The following TOR1AIP2 variants were observed in gnomAD, a reference collection of about 807,000 sequenced individuals.
TOR1AIP2 encodes the protein torsin 1A interacting protein 2.
A neutral mutation model predicts 32.6 loss-of-function variants in TOR1AIP2; 20 were observed. The ratio of observed to expected loss-of-function variants is 0.61; its 90% CI spans 0.43 to 0.89. TOR1AIP2 has a LOEUF of 0.89. TOR1AIP2 is among the 40% of genes least tolerant of loss of function. TOR1AIP2 has a pLI of 0.00. For missense variants in TOR1AIP2, 456 were observed against 553.8 expected (o/e 0.82, Z 1.77); for synonymous variants, 214 against 210.8 (o/e 1.02, Z -0.13).
Position 179,860,469 on chromosome 1 carries a change from G to A in TOR1AIP2, c.-147+4967C>T, listed in dbSNP as rs533420268. 5.1e-6 allele frequency: 5 copies of A among 985,068 alleles called. No individual in the cohort carries two copies. The African/African-American group carries it at 5.2e-5, about 10-fold the overall frequency. 61.0% of individuals were successfully genotyped at this position (985,068 alleles called of 1,614,324 possible). On this transcript the variant is annotated intron_variant, in intron 3 of 6. Coordinates refer to ENST00000609928, the MANE Select transcript of TOR1AIP2 (RefSeq NM_001199260.2). Reference sequence around the variant, plus strand: ...TGCACTCCAGCCTAGGTGACAGAACGAGACTCTGTCTCAAAAAAACAAAAC... The same window carrying A: ...TGCACTCCAGCCTAGGTGACAGAACAAGACTCTGTCTCAAAAAAACAAAAC...
Position 179,862,645 on chromosome 1 carries a change from C to T in TOR1AIP2, c.-147+2791G>A, listed in dbSNP as rs115714348. ...TCACGTTTTCCTTGCTAAAAGAGCCCTGGTCAGGCACGGTGGCTATGCCTG... is the reference window on the plus strand; with the variant it reads ...TCACGTTTTCCTTGCTAAAAGAGCCTTGGTCAGGCACGGTGGCTATGCCTG... On this transcript the variant is annotated intron_variant, in intron 3 of 6. Transcript: ENST00000609928. 1.9e-3 allele frequency: 1,826 copies of T among 985,368 alleles called. 28 individuals are homozygous for T. In the African/African-American group the frequency reaches 0.03, roughly 16 times the overall value. The allele number at this position is 985,368 out of a possible 1,614,324, so 61.0% of individuals were successfully genotyped here. A position where few individuals can be genotyped will look rare whatever the true frequency, so the allele number is the denominator to read the frequency against.
chr1:179,847,662 T>C (rs774344789), intron 5 of TOR1AIP2, 26 bp from the exon 6 acceptor site: 2 of 1,451,540 alleles, frequency 1.4e-6, no homozygotes, highest in African/African-American at 2.8e-5. Flanking sequence ...ATCAATATTA[T>C]TTTTAGGCAG....
intron 2 of TOR1AIP2, among the ~76,000 whole-genome samples, chr1:179,869,586 A>G (rs928237255): frequency 6.6e-6 from 1 of 152,262 alleles, no homozygotes; most frequent in African/African-American, 2.4e-5. Context: ...AAAGCAGGTA[A>G]CTTACATTGG....
At chr1:179,864,540 AC>A (rs1696688218) in intron 3 of TOR1AIP2, 1 of 1,235,626 alleles carries the variant, frequency 8.1e-7, no homozygotes, top group Admixed American at 3.9e-5. Context: ...TATAGGAAAT[AC>A]GGATTAGCCT....
chr1:179,857,611 G>A (rs1571673498), intron 3 of TOR1AIP2, among the ~76,000 whole-genome samples: 1 of 152,250 alleles, frequency 6.6e-6, no homozygotes, highest in East Asian at 1.9e-4. Context: ...CTACCTGGTA[G>A]GTGACATTGT....
At chr1:179,864,000 T>C (rs1696665438) in intron 3 of TOR1AIP2, 1 of 985,330 alleles carries the variant, frequency 1.0e-6, no homozygotes, top group Admixed American at 6.1e-5. Context: ...TCTTTTGTCA[T>C]ACATCTCCTG....
Position 179,850,901 on chromosome 1 carries a change from T to G in TOR1AIP2, c.497A>C (p.His166Pro). The G allele has an allele frequency of 1.2e-6, 2 of 1,614,200 alleles. No individual in the cohort carries two copies. ...CTCACCCTCTTGCCCTGCACTGGAA[T>G]GACCAGGACTCTGGGCCTCCTGGGA... The part of the protein sequence containing the change: ...TDSQEAQSPG[H>P]SSAGQEGEDT... Residue 166 changes from histidine (H) to proline (P), a missense_variant, in exon 5 of 7, where the codon CAT (histidine) becomes CCT (proline). His to Pro is a moderately conservative substitution (Grantham distance 77, BLOSUM62 -2). Coordinates refer to ENST00000609928, the MANE Select transcript of TOR1AIP2 (RefSeq NM_001199260.2).
intron 3 of TOR1AIP2, among the ~76,000 whole-genome samples, chr1:179,857,465 G>C (rs1022396908): frequency 1.3e-5 from 2 of 150,294 alleles, no homozygotes; most frequent in Non-Finnish European, 3.0e-5. Context: ...TTCTAAGAGG[G>C]ACACAGATTT....
chr1:179,856,807 T>A (rs779091266), intron 3 of TOR1AIP2, among the ~76,000 whole-genome samples: 1 of 152,220 alleles, frequency 6.6e-6, no homozygotes, highest in Non-Finnish European at 1.5e-5. Context: ...ACACACAGCA[T>A]CTCACCATGT....
chr1:179,873,217 T>G (rs927319567), intron 2 of TOR1AIP2, among the ~76,000 whole-genome samples: 1 of 152,168 alleles, frequency 6.6e-6, no homozygotes, highest in Non-Finnish European at 1.5e-5. Flanking sequence ...AATAGACACG[T>G]GGTCTTGCTA....
At chr1:179,867,904 G>C (rs1449893303) in intron 2 of TOR1AIP2, 1 of 152,140 alleles carries the variant, frequency 6.6e-6, no homozygotes, top group Non-Finnish European at 1.5e-5. Context: ...ACCTCTGTAG[G>C]CAAGAGCCAC....
intron 3 of TOR1AIP2, chr1:179,863,303 T>TCCC: frequency 4.1e-6 from 4 of 984,302 alleles, no homozygotes; most frequent in Non-Finnish European, 4.8e-6. Flanking sequence ...CTAACCCTAT[T>TCCC]CCCCTTTGCC....
Position 179,850,886 on chromosome 1 carries a change from T to C in TOR1AIP2, c.512A>G (p.Gln171Arg), listed in dbSNP as rs1164064935. ...AQSPGHSSAG[Q>R]EGEDTLRRRL... The stretch of plus-strand genomic sequence containing the variant: ...CCTCCTCAGTGTATCCTCACCCTCT[T>C]GCCCTGCACTGGAATGACCAGGACT... The change falls in exon 5 of 7, where the codon CAA becomes CGA. Residue 171 changes from glutamine (Q) to arginine (R), a missense_variant. Physicochemically the swap from Gln to Arg is conservative, Grantham distance 43. Coordinates refer to ENST00000609928, the MANE Select transcript of TOR1AIP2 (RefSeq NM_001199260.2). The C allele has an allele frequency of 1.2e-6, 2 of 1,614,000 alleles. No homozygotes were observed. The highest frequency in any genetic ancestry group is 2.7e-5 in the African/African-American group (2 of 74,948).
rs565945811 is a variant in TOR1AIP2 at position 179,848,897 on chromosome 1, G to A, written c.554-1261C>T. On this transcript the variant is annotated intron_variant, in intron 5 of 6. Transcript: ENST00000609928. ...TGTAATCCCAGCACTTTGGGAGGCC[G>A]AGGCGGGCGGATCACAAGGTCAGGA... 8.5e-4 allele frequency among the ~76,000 whole-genome samples: 129 copies of A among 152,266 alleles called. 1 individual carries two copies. The highest frequency in any genetic ancestry group is 3.0e-3 in the African/African-American group (124 of 41,542).
chr1:179,866,624 C>T (rs940744367), intron 2 of TOR1AIP2, among the ~76,000 whole-genome samples: 2 of 152,100 alleles, frequency 1.3e-5, no homozygotes, highest in Non-Finnish European at 1.5e-5. Flanking sequence ...AGGCTGGTCT[C>T]GAACTCCCGA....
intron 6 of TOR1AIP2, 54 bp from the exon 7 acceptor site, chr1:179,846,882 C>G (rs79921581): frequency 0.1 from 157,843 of 1,509,764 alleles, 8,924 homozygotes; most frequent in East Asian, 0.14. Flanking sequence ...GAGCCAGAAA[C>G]AAAGCCTGTG....
intron 2 of TOR1AIP2, among the ~76,000 whole-genome samples, chr1:179,866,896 G>C (rs1696805946): frequency 6.6e-6 from 1 of 151,964 alleles, no homozygotes; most frequent in African/African-American, 2.4e-5. Context: ...TGGGACAGTA[G>C]GATGTATGGA....
At chr1:179,861,822 C>G (rs1696544412) in intron 3 of TOR1AIP2, 2 of 973,346 alleles carry the variant, frequency 2.1e-6, no homozygotes, top group Non-Finnish European at 2.4e-6. Flanking sequence ...CTAGAGAGCA[C>G]CTGCATCAGA....
chr1:179,854,234 G>T (rs186133460), intron 3 of TOR1AIP2, among the ~76,000 whole-genome samples: 58 of 152,112 alleles, frequency 3.8e-4, no homozygotes, highest in African/African-American at 1.3e-3. Flanking sequence ...GAATTTTATG[G>T]TATGTAAATT....
Sources: gnomAD v4.1 joint callset for allele counts (sites outside exome capture counted in the v4.1 genomes callset) on GRCh38, gnomAD v4.1.1 for gene constraint, MANE v1.5 for transcripts, NCBI Gene and HGNC (gene_info 2026-07-23, HGNC 2026-07-21) for gene names.